Variants in PRKG1 observed in about 807,000 individuals in gnomAD.
PRKG1 encodes protein kinase cGMP-dependent 1.
Under a neutral mutation model 88.1 loss-of-function variants are expected in PRKG1, and 35 were observed. The ratio of observed to expected loss-of-function variants is 0.40; its 90% CI spans 0.30 to 0.53. The LOEUF is 0.53. Among genes scored for constraint, PRKG1 ranks in the 20% least tolerant of loss-of-function variants. The pLI is 0.59. For synonymous variants in PRKG1, 303 were observed against 292.5 expected (o/e 1.04, Z -0.37); for missense variants, 540 against 839.8 (o/e 0.64, Z 4.41).
chr10:51,078,385 ATTTT>A (rs34894735), intron 1 of PRKG1, among the ~76,000 whole-genome samples: 1 of 85,730 alleles, frequency 1.2e-5, no homozygotes, highest in Non-Finnish European at 2.3e-5. Flanking sequence ...ATGCCTGGCT[ATTTT>A]TTTTTTTTTT....
intron 5 of PRKG1, among the ~76,000 whole-genome samples, chr10:52,021,595 T>C (rs567641725): frequency 6.6e-6 from 1 of 152,266 alleles, no homozygotes; most frequent in Admixed American, 6.5e-5. Context: ...ATTACATATG[T>C]GTTTATTTCT....
At chr10:52,007,186 C>T (rs1312726222) in intron 5 of PRKG1, among the ~76,000 whole-genome samples, 1 of 152,158 alleles carries the variant, frequency 6.6e-6, no homozygotes, top group South Asian at 2.1e-4. Flanking sequence ...AGTACACAGA[C>T]AAGTAAACTA....
intron 5 of PRKG1, among the ~76,000 whole-genome samples, chr10:51,927,334 C>T (rs539384302): frequency 7.2e-5 from 11 of 152,208 alleles, no homozygotes; most frequent in Middle Eastern, 3.4e-3. Context: ...CCATGTGAGA[C>T]GTGCCTTTCA....
intron 9 of PRKG1, among the ~76,000 whole-genome samples, chr10:52,249,880 G>T (rs1289160219): frequency 6.6e-6 from 1 of 152,058 alleles, no homozygotes; most frequent in Non-Finnish European, 1.5e-5. Context: ...GTTTCACCCT[G>T]TTTGCACCTG....
At chr10:51,838,959 A>G (rs1046608372) in intron 4 of PRKG1, among the ~76,000 whole-genome samples, 1 of 152,182 alleles carries the variant, frequency 6.6e-6, no homozygotes, top group Non-Finnish European at 1.5e-5. Context: ...ATAATGGCAC[A>G]TACATTTTAA....
intron 4 of PRKG1, among the ~76,000 whole-genome samples, chr10:51,881,724 G>A (rs1430716541): frequency 1.3e-5 from 2 of 152,132 alleles, no homozygotes; most frequent in African/African-American, 4.8e-5. Flanking sequence ...TTGTTTTGAG[G>A]CAGTATACCA....
intron 7 of PRKG1, among the ~76,000 whole-genome samples, chr10:52,120,719 C>T (rs1011249613): frequency 6.6e-6 from 1 of 152,218 alleles, no homozygotes; most frequent in African/African-American, 2.4e-5. Context: ...AGACCTCAGG[C>T]AGCCCCGCCC....
chr10:51,125,732 ATG>A (rs1349110321), intron 1 of PRKG1, among the ~76,000 whole-genome samples: 1 of 146,632 alleles, frequency 6.8e-6, no homozygotes, highest in African/African-American at 2.5e-5. Context: ...AATATAAATT[ATG>A]TGTTTTTAAA....
intron 1 of PRKG1, among the ~76,000 whole-genome samples, chr10:51,130,865 C>T (rs1845549217): frequency 6.6e-6 from 1 of 151,848 alleles, no homozygotes; most frequent in Non-Finnish European, 1.5e-5. Flanking sequence ...TCTGAGATAG[C>T]GCCACTGCAC....
chr10:51,490,794 C>T (rs190595297), intron 3 of PRKG1, among the ~76,000 whole-genome samples: 16 of 152,096 alleles, frequency 1.1e-4, no homozygotes, highest in African/African-American at 2.2e-4. Flanking sequence ...GGAAAGCAAC[C>T]GGGCTATATC....
At chr10:52,220,717 C>T (rs1295527777) in intron 9 of PRKG1, among the ~76,000 whole-genome samples, 6 of 152,030 alleles carry the variant, frequency 3.9e-5, no homozygotes, top group Non-Finnish European at 8.8e-5. Flanking sequence ...TGGCCTCCAC[C>T]TCCACCCATG....
intron 1 of PRKG1, among the ~76,000 whole-genome samples, chr10:51,129,657 A>C (rs1845515545): frequency 6.6e-6 from 1 of 151,690 alleles, no homozygotes. Context: ...CTTGGATATG[A>C]CACAAACTAG....
rs757884379 is a variant in PRKG1 at position 51,236,847 on chromosome 10, C to T, written c.478+83517C>T. Among the ~76,000 whole-genome samples, 30 of 152,046 alleles carry T rather than the reference C, an allele frequency of 2.0e-4. 1 individual carries two copies. The highest frequency in any genetic ancestry group is 1.8e-4 in the Non-Finnish European group (12 of 67,988). The stretch of plus-strand genomic sequence containing the variant: ...AGTTTTGTGAGATGCCAGTATAACC[C>T]ATTTGAATTAATTAACCTACATAAA... On this transcript the variant is annotated intron_variant, in intron 2 of 17. Coordinates refer to ENST00000373980, the MANE Select transcript of PRKG1 (RefSeq NM_006258.4).
At chr10:52,277,219 T>C (rs1013893908) in intron 12 of PRKG1, among the ~76,000 whole-genome samples, 1 of 151,952 alleles carries the variant, frequency 6.6e-6, no homozygotes, top group African/African-American at 2.4e-5. Flanking sequence ...TTTTGGCCCA[T>C]GTGAGAAGCA....
chr10:52,092,473 G>A (rs1847079781), intron 7 of PRKG1, among the ~76,000 whole-genome samples: 1 of 152,024 alleles, frequency 6.6e-6, no homozygotes, highest in Non-Finnish European at 1.5e-5. Context: ...TTTTCCTTGT[G>A]ATGTGGAAGC....
At chr10:51,142,749 C>A (rs1431182826) in intron 1 of PRKG1, among the ~76,000 whole-genome samples, 1 of 151,840 alleles carries the variant, frequency 6.6e-6, no homozygotes, top group East Asian at 1.9e-4. Context: ...AGGTCTGTGG[C>A]AATAATACAA....
intron 9 of PRKG1, among the ~76,000 whole-genome samples, chr10:52,214,949 AT>A (rs760324591): frequency 5.0e-4 from 75 of 151,488 alleles, no homozygotes; most frequent in Non-Finnish European, 9.3e-4. Flanking sequence ...TGTCACGGTT[AT>A]TTATTATGTA....
chr10:51,594,554 T>C (rs1838395400), intron 3 of PRKG1, among the ~76,000 whole-genome samples: 1 of 152,244 alleles, frequency 6.6e-6, no homozygotes, highest in African/African-American at 2.4e-5. Context: ...TTTACATCAA[T>C]CTCTGCATGT....
intron 1 of PRKG1, among the ~76,000 whole-genome samples, chr10:51,146,560 G>C (rs940583135): frequency 6.6e-6 from 1 of 152,030 alleles, no homozygotes; most frequent in African/African-American, 2.4e-5. Flanking sequence ...TTGCTATGAA[G>C]AAGCTTTTTA....
Sources: allele counts gnomAD v4.1 joint callset (sites outside exome capture counted in the v4.1 genomes callset), GRCh38; gene constraint gnomAD v4.1.1; transcripts MANE v1.5; gene names NCBI Gene and HGNC (gene_info 2026-07-23, HGNC 2026-07-21).